Variants in TDRD6 observed in about 807,000 individuals in gnomAD.
TDRD6 encodes tudor domain-containing protein 6.
A neutral mutation model predicts 157.5 loss-of-function variants in TDRD6; 186 were observed. The ratio of observed to expected loss-of-function variants is 1.18; its 90% confidence interval spans 1.05 to 1.33. The LOEUF (loss-of-function observed/expected upper bound fraction) is 1.33, where lower values mean the gene tolerates loss of function less well. TDRD6 is among the 40% of genes most tolerant of loss of function. TDRD6 has a pLI of 0.00. For synonymous variants in TDRD6, 1,075 were observed against 945.2 expected, an observed-to-expected ratio of 1.14 and a Z score of -2.52; for missense variants, 3,066 against 2,508.0, an observed-to-expected ratio of 1.22 and a Z score of -4.75.
In TDRD6 at chr6:46,702,056, G is replaced by T; in HGVS notation, c.*169G>T. The T allele has an allele frequency of 1.6e-6, 1 of 633,292 alleles. No homozygotes were observed. Among genetic ancestry groups the T allele is most frequent in the East Asian group, 2.7e-5 (1 of 36,486 alleles). 39.2% of individuals were successfully genotyped at this position (633,292 alleles called of 1,614,324 possible). ...AAACAAATTAGGTCTCAGGTTGATG[G>T]TGGGGTGTGTTTATAGTGATCCTGT... On this transcript the variant is annotated 3_prime_UTR_variant, in exon 4 of 4. Coordinates refer to ENST00000316081, the MANE Select transcript of TDRD6 (RefSeq NM_001010870.3).
intron 1 of TDRD6, 151 bp downstream of exon 1, chr6:46,694,325 C>T: frequency 1.8e-6 from 1 of 548,290 alleles, no homozygotes; most frequent in African/African-American, 1.9e-5. Context: ...ACCTCAGCCT[C>T]CCAAGTAGCT....
At chr6:46,682,653 G>A in the TDRD6 span, among the ~76,000 whole-genome samples, 2 of 151,602 alleles carry the variant, frequency 1.3e-5, no homozygotes, top group East Asian at 3.9e-4. Context: ...AAGATATAAG[G>A]CCAATATACA....
At chr6:46,687,486 C>A (rs1204221239), upstream of TDRD6, 2 of 152,598 alleles carry the variant, frequency 1.3e-5, no homozygotes, top group Non-Finnish European at 2.9e-5. Context: ...AGCAGGAGCA[C>A]CCGTGCCCCG....
In TDRD6 at chr6:46,697,386, C is replaced by T. The variant is rs1465674093; in HGVS notation, c.6172-612C>T. Among the ~76,000 whole-genome samples the T allele has an allele frequency of 2.0e-5, 3 of 152,270 alleles. No individual in the cohort carries two copies. In the East Asian group the frequency reaches 5.8e-4, roughly 29 times the overall value. On this transcript the variant is annotated intron_variant, in intron 2 of 3. Coordinates refer to ENST00000316081, the MANE Select transcript of TDRD6 (RefSeq NM_001010870.3). ...TATTACAATCCTATACCTCCTACTA[C>T]AGAAGTCTGAACTTCCTATGGTGTA...
rs1166592466 is a variant in TDRD6 at position 46,693,314 on chromosome 6, T to C, written c.5186T>C (p.Leu1729Pro). 1 of 1,605,254 alleles carries C rather than the reference T, an allele frequency of 6.2e-7. No homozygotes were observed. The highest frequency in any genetic ancestry group is 1.7e-5 in the Admixed American group (1 of 57,432). Residue 1729 changes from leucine to proline, a missense_variant, in exon 1 of 4, where the codon CTT (leucine) becomes CCT (proline). Coordinates refer to ENST00000316081, the MANE Select transcript of TDRD6 (RefSeq NM_001010870.3). ...GGGTCCTACAATCTTGATGTAGGAC[T>C]TAAGAAATTAAGTAATAAAGCTGTA... The part of the protein sequence containing the change: ...TLGSYNLDVG[L>P]KKLSNKAVQN...
At chr6:46,696,482 A>G (rs1403334946) in intron 2 of TDRD6, among the ~76,000 whole-genome samples, 2 of 142,220 alleles carry the variant, frequency 1.4e-5, no homozygotes, top group African/African-American at 2.6e-5. Context: ...GTGTATATAT[A>G]TATATATATA....
Position 46,703,403 on chromosome 6 carries a change from A to G in TDRD6, c.*1516A>G, listed in dbSNP as rs186035649. The G allele has an allele frequency of 6.6e-6, 1 of 152,114 alleles. No homozygotes were observed. Among genetic ancestry groups the G allele is most frequent in the Non-Finnish European group, 1.5e-5 (1 of 67,974 alleles). 9.4% of individuals were successfully genotyped at this position (152,114 alleles called of 1,614,324 possible). A position where few individuals can be genotyped will look rare whatever the true frequency, so the allele number is the denominator to read the frequency against. The stretch of plus-strand genomic sequence containing the variant: ...TTACTCATATAGATAATATAATGTG[A>G]ATTGCCAGAAGCAAAGCTCAGAGAA... On this transcript the variant is annotated 3_prime_UTR_variant, in exon 4 of 4. Coordinates refer to ENST00000316081, the MANE Select transcript of TDRD6 (RefSeq NM_001010870.3).
At position 46,689,598 on chromosome 6, in the gene TDRD6, T is replaced by TG; in HGVS notation, c.1471dup (p.Ala491GlyfsTer7). ...GGTTAAAGATGAATGCCTTCTACGA[T>TG]GCGCAGGTAGAGTTTGTTAAAAATC... On this transcript the variant is annotated frameshift_variant, in exon 1 of 4. Transcript: ENST00000316081. LOFTEE classifies it high-confidence loss of function. 6.2e-7 allele frequency: 1 copy of TG among 1,614,204 alleles called. No individual in the cohort carries two copies.
chr6:46,693,475 C>G lies in TDRD6; in HGVS notation c.5347C>G (p.Pro1783Ala). 1 of 1,613,914 alleles carries G rather than the reference C, an allele frequency of 6.2e-7. No individual in the cohort carries two copies. The highest frequency in any genetic ancestry group is 1.1e-5 in the South Asian group (1 of 91,056). The part of the protein sequence containing the change: ...TDNICEGFEN[P>A]CKDKIDTEEL... ...TAACATTTGTGAAGGGTTTGAAAAC[C>G]CCTGCAAAGATAAAATTGATACTGA... Residue 1783 changes from proline (P) to alanine (A), a missense_variant, in exon 1 of 4, where the codon CCC (proline) becomes GCC (alanine). Pro to Ala is a conservative substitution (Grantham distance 27, BLOSUM62 -1). Transcript: ENST00000316081.
Position 46,689,271 on chromosome 6 carries a change from CTG to C in TDRD6, c.1144_1145del (p.Trp382GlyfsTer13). ...CCTACCCTTGTGCTTTGTATGGACT[CTG>C]GGACGGTGGGAGAGGCTGGTCTCGG... is the stretch of plus-strand genomic sequence containing the variant. ...VTYPCALYGL[W>X]DGGRGWSRSQ... On this transcript the variant is annotated frameshift_variant, in exon 1 of 4. Coordinates refer to ENST00000316081, the MANE Select transcript of TDRD6 (RefSeq NM_001010870.3). LOFTEE classifies it high-confidence loss of function. 2 of 1,614,154 alleles carry C rather than the reference CTG, an allele frequency of 1.2e-6. No homozygotes were observed. The highest frequency in any genetic ancestry group is 1.1e-5 in the South Asian group (1 of 91,070).
At position 46,693,572 on chromosome 6, in the gene TDRD6, G is replaced by A. The variant is rs1764408617; in HGVS notation, c.5444G>A (p.Gly1815Glu). Residue 1815 changes from glycine to glutamate, a missense_variant, in exon 1 of 4, where the codon GGA becomes GAA. Coordinates refer to ENST00000316081, the MANE Select transcript of TDRD6 (RefSeq NM_001010870.3). ...TTTGATGATAAATACCTGATTACAG[G>A]ATTTAACACATTACTACCACATGCT... is the stretch of plus-strand genomic sequence containing the variant. ...AEFDDKYLIT[G>E]FNTLLPHANE... The A allele has an allele frequency of 6.2e-7, 1 of 1,614,128 alleles. No individual in the cohort carries two copies. The highest frequency in any genetic ancestry group is 8.5e-7 in the Non-Finnish European group (1 of 1,180,022).
upstream of TDRD6, among the ~76,000 whole-genome samples, chr6:46,686,896 T>C (rs1764111016): frequency 6.6e-6 from 1 of 152,218 alleles, no homozygotes; most frequent in Non-Finnish European, 1.5e-5. Context: ...TTGCCTCTAA[T>C]CTGGACAGAC....
At chr6:46,681,204 T>C in the TDRD6 span, among the ~76,000 whole-genome samples, 1 of 152,358 alleles carries the variant, frequency 6.6e-6, no homozygotes, top group East Asian at 1.9e-4. Flanking sequence ...ACACTTCTGA[T>C]TTTATGAAAT....
rs763564509 is a variant in TDRD6 at position 46,689,070 on chromosome 6, C to T, written c.942C>T (p.Gly314=). The change falls in exon 1 of 4, where the codon GGC becomes GGT. Residue 314 remains glycine (G), a synonymous_variant. Coordinates refer to ENST00000316081, the MANE Select transcript of TDRD6 (RefSeq NM_001010870.3). ...EEREESPDKP[G]SPCASCGLDG... ...GGGAGGAGAGCCCAGATAAGCCGGGCTCTCCGTGTGCATCCTGTGGCCTGG... is the reference window on the plus strand; with the variant it reads ...GGGAGGAGAGCCCAGATAAGCCGGGTTCTCCGTGTGCATCCTGTGGCCTGG... 7.4e-6 allele frequency: 12 copies of T among 1,614,124 alleles called. No homozygotes were observed. Among genetic ancestry groups the T allele is most frequent in the Non-Finnish European group, 9.3e-6 (11 of 1,180,010 alleles).
chr6:46,693,786 C>T lies in TDRD6; in HGVS notation c.5658C>T (p.Gly1886=), dbSNP rs373939719. 1.9e-5 allele frequency: 31 copies of T among 1,614,116 alleles called. No individual in the cohort carries two copies. Among genetic ancestry groups the T allele is most frequent in the Admixed American group, 3.3e-5 (2 of 60,012 alleles). ...TCTCCCAAGAGTGTGTCACAAAAGG[C>T]GCCATGGAGCTATTTACACTGCAGC... The part of the protein sequence containing the change: ...VPLSQECVTK[G]AMELFTLQLP... Residue 1886 remains glycine, a synonymous_variant, in exon 1 of 4, where the codon GGC becomes GGT. Coordinates refer to ENST00000316081, the MANE Select transcript of TDRD6 (RefSeq NM_001010870.3).
At position 46,691,700 on chromosome 6, in the gene TDRD6, G is replaced by A. The variant is rs1414086088; in HGVS notation, c.3572G>A (p.Cys1191Tyr). The change falls in exon 1 of 4, where the codon TGT (cysteine) becomes TAT (tyrosine). Residue 1191 changes from cysteine to tyrosine, a missense_variant. Coordinates refer to ENST00000316081, the MANE Select transcript of TDRD6 (RefSeq NM_001010870.3). ...EEKNENMKLP[C>Y]TEYLSKSVGY... ...AAAAATGAGAATATGAAGTTGCCATGTACAGAGTATTTAAGTAAATCAGTA... is the reference window on the plus strand; with the variant it reads ...AAAAATGAGAATATGAAGTTGCCATATACAGAGTATTTAAGTAAATCAGTA... 1 of 1,610,000 alleles carries A rather than the reference G, an allele frequency of 6.2e-7. No individual in the cohort carries two copies. The highest frequency in any genetic ancestry group is 1.1e-5 in the South Asian group (1 of 90,400).
chr6:46,701,818 G>A (rs1764633058), intron 3 of TDRD6, 40 bp from the exon 4 acceptor site: 9 of 1,609,718 alleles, frequency 5.6e-6, no homozygotes, highest in Non-Finnish European at 6.8e-6. Flanking sequence ...TTGTTTGTAT[G>A]TTTCTTTCTC....
chr6:46,691,388 A>T lies in TDRD6; in HGVS notation c.3260A>T (p.Asp1087Val), dbSNP rs752691977. The T allele has an allele frequency of 6.2e-7, 1 of 1,614,024 alleles. No individual in the cohort carries two copies. Among genetic ancestry groups the T allele is most frequent in the South Asian group, 1.1e-5 (1 of 91,060 alleles). The change falls in exon 1 of 4, where the codon GAT (aspartate) becomes GTT (valine). Residue 1087 changes from aspartate (D) to valine (V), a missense_variant. By Grantham distance (152) the Asp-to-Val change is radical (BLOSUM62 -3). Transcript: ENST00000316081. ...CTTCCAATACCTAGTGATGCATATGATGTCTTACTTTTGCCCATGCAAGCT... is the reference window on the plus strand; with the variant it reads ...CTTCCAATACCTAGTGATGCATATGTTGTCTTACTTTTGCCCATGCAAGCT... The part of the protein sequence containing the change: ...DLLPIPSDAY[D>V]VLLLPMQAVR...
chr6:46,684,430 G>C (rs945914231), upstream of TDRD6, among the ~76,000 whole-genome samples: 17 of 149,312 alleles, frequency 1.1e-4, no homozygotes, highest in Non-Finnish European at 2.4e-4. Flanking sequence ...GTGTAGCTTT[G>C]ATAACTATCA....
Sources: allele counts gnomAD v4.1 joint callset (sites outside exome capture counted in the v4.1 genomes callset), GRCh38; gene constraint gnomAD v4.1.1; transcripts MANE v1.5; gene names NCBI Gene and HGNC (gene_info 2026-07-23, HGNC 2026-07-21).